MAGI3: variants seen among roughly 807,000 people sequenced by gnomAD.
The protein encoded by MAGI3 is membrane associated guanylate kinase, WW and PDZ domain containing 3.
Under a neutral mutation model 121.8 loss-of-function variants are expected in MAGI3, and 43 were observed. The ratio of observed to expected loss-of-function variants is 0.35; its 90% CI spans 0.28 to 0.46. The LOEUF (loss-of-function observed/expected upper bound fraction) is 0.46. Ranked by LOEUF, MAGI3 falls within the 20% of genes least tolerant of loss-of-function variation. The pLI, the probability that MAGI3 is intolerant of heterozygous loss-of-function variation, is 1.00. For missense variants in MAGI3, 1,547 were observed against 1,797.3 expected, an observed-to-expected ratio of 0.86 and a Z score of 2.52; for synonymous variants, 553 against 639.3, an observed-to-expected ratio of 0.86 and a Z score of 2.04.
intron 8 of MAGI3, 73 bp downstream of exon 8, chr1:113,619,903 T>C (rs113408933): frequency 9.9e-7 from 1 of 1,012,694 alleles, no homozygotes; most frequent in Non-Finnish European, 1.5e-6. Context: ...TAAAAGTGAG[T>C]TTGAACTTCT....
chr1:113,603,610 C>T (rs1003140161), intron 6 of MAGI3, among the ~76,000 whole-genome samples: 4 of 151,908 alleles, frequency 2.6e-5, no homozygotes, highest in African/African-American at 9.7e-5. Flanking sequence ...AAAGCAAATG[C>T]AACAAAAACA....
At chr1:113,513,756 A>G (rs1009413861) in intron 1 of MAGI3, among the ~76,000 whole-genome samples, 6 of 152,234 alleles carry the variant, frequency 3.9e-5, no homozygotes, top group African/African-American at 1.4e-4. Context: ...GCAATGAGCA[A>G]CAAAAGCCAA....
intron 1 of MAGI3, among the ~76,000 whole-genome samples, chr1:113,479,110 A>G (rs1655992017): frequency 6.6e-6 from 1 of 152,202 alleles, no homozygotes; most frequent in Non-Finnish European, 1.5e-5. Flanking sequence ...TGGGAAAAGC[A>G]CAGTATTTGG....
intron 1 of MAGI3, among the ~76,000 whole-genome samples, chr1:113,414,776 A>G (rs1557742839): frequency 6.6e-6 from 1 of 152,062 alleles, no homozygotes; most frequent in Non-Finnish European, 1.5e-5. Flanking sequence ...AAAATAAAAA[A>G]TAAAATAGTT....
rs539714186 is a variant in MAGI3, at chr1:113,494,330, G to A, written c.317-55185G>A. Among the ~76,000 whole-genome samples, 19 of 152,098 alleles carry A rather than the reference G, an allele frequency of 1.2e-4. No individual in the cohort carries two copies. In the South Asian group the frequency reaches 1.7e-3, roughly 13 times the overall value. ...AAATGATGAGAACACGTGGACACGG[G>A]AACAACACACGCTGGGGACTATCGG... On this transcript the variant is annotated intron_variant, in intron 1 of 20. Coordinates refer to ENST00000307546, the MANE Select transcript of MAGI3 (RefSeq NM_001142782.2).
rs201550078 is a variant in MAGI3, at chr1:113,590,159, TA to T, written c.764-324del. ...GTTAACATACAGAAAGCACTTAAAA[TA>T]GAGCCTGACACATAAAAGGACTACA... is the stretch of plus-strand genomic sequence containing the variant. On this transcript the variant is annotated intron_variant, in intron 4 of 20. Coordinates refer to ENST00000307546, the MANE Select transcript of MAGI3 (RefSeq NM_001142782.2). 7.3e-3 allele frequency among the ~76,000 whole-genome samples: 1,104 copies of T among 152,220 alleles called. 20 individuals carry two copies. The highest frequency in any genetic ancestry group is 0.041 in the Admixed American group (630 of 15,282).
At chr1:113,540,566 A>T (rs1570825930) in intron 1 of MAGI3, among the ~76,000 whole-genome samples, 1 of 152,220 alleles carries the variant, frequency 6.6e-6, no homozygotes, top group African/African-American at 2.4e-5. Flanking sequence ...GTTAGAGTAG[A>T]CACAAAACTG....
At chr1:113,510,943 C>G (rs947238868) in intron 1 of MAGI3, among the ~76,000 whole-genome samples, 1 of 152,200 alleles carries the variant, frequency 6.6e-6, no homozygotes, top group African/African-American at 2.4e-5. Context: ...GTGCCTAGAT[C>G]ACCATAACAT....
intron 2 of MAGI3, among the ~76,000 whole-genome samples, chr1:113,578,802 C>G (rs935215277): frequency 6.6e-6 from 1 of 151,704 alleles, no homozygotes; most frequent in Admixed American, 6.6e-5. Flanking sequence ...ATTTTATATC[C>G]TCTATGATGT....
At chr1:113,537,515 C>T (rs1250645857) in intron 1 of MAGI3, among the ~76,000 whole-genome samples, 2 of 152,182 alleles carry the variant, frequency 1.3e-5, no homozygotes, top group African/African-American at 4.8e-5. Flanking sequence ...GTGAGTTCCA[C>T]CTTCAGTCCT....
chr1:113,536,309 CTT>C (rs1163762539), intron 1 of MAGI3, among the ~76,000 whole-genome samples: 3 of 152,050 alleles, frequency 2.0e-5, no homozygotes, highest in Non-Finnish European at 4.4e-5. Context: ...TTTGTTGGTG[CTT>C]TTTCAACACT....
At chr1:113,471,873 A>T (rs1327454188) in intron 1 of MAGI3, among the ~76,000 whole-genome samples, 2 of 152,192 alleles carry the variant, frequency 1.3e-5, no homozygotes, top group African/African-American at 4.8e-5. Flanking sequence ...TATGCACTTC[A>T]TGACTATATT....
In MAGI3 at chr1:113,393,664, A is replaced by G. The variant is rs1340300124; in HGVS notation, c.316+2315A>G. ...AAGAATTTGAAGAGGTTATCTGTAG[A>G]ACTTTTGAGTTTGATTAAAAACAAA... On this transcript the variant is annotated intron_variant, in intron 1 of 20. Transcript: ENST00000307546. 2.0e-5 allele frequency among the ~76,000 whole-genome samples: 3 copies of G among 152,224 alleles called. No homozygotes were observed. In the East Asian group the frequency reaches 5.8e-4, roughly 29 times the overall value.
intron 1 of MAGI3, among the ~76,000 whole-genome samples, chr1:113,397,724 C>T (rs1015998309): frequency 2.0e-5 from 3 of 152,076 alleles, no homozygotes; most frequent in African/African-American, 7.2e-5. Context: ...TGTGTTATCT[C>T]CTCGAAATAA....
intron 1 of MAGI3, among the ~76,000 whole-genome samples, chr1:113,514,285 A>G (rs1445030365): frequency 6.6e-6 from 1 of 151,978 alleles, no homozygotes; most frequent in African/African-American, 2.4e-5. Flanking sequence ...GTATATACCC[A>G]AAGGACTATA....
chr1:113,457,710 A>G (rs1258143396), intron 1 of MAGI3, among the ~76,000 whole-genome samples: 1 of 152,164 alleles, frequency 6.6e-6, no homozygotes, highest in Non-Finnish European at 1.5e-5. Flanking sequence ...TATAAATAAG[A>G]TAAATTTAAT....
At chr1:113,628,361 CTCTTTA>C (rs2101798403) in intron 9 of MAGI3, among the ~76,000 whole-genome samples, 1 of 152,074 alleles carries the variant, frequency 6.6e-6, no homozygotes, top group South Asian at 2.1e-4. Context: ...TTTGTTATTT[CTCTTTA>C]TGTCTTATTG....
Position 113,594,485 on chromosome 1 carries a change from A to G in MAGI3, c.943A>G (p.Asn315Asp), listed in dbSNP as rs1648877013. ...ATTAAAATCTTTATTCTACAGCCAC[A>G]ATACCAAGACAACCACCTGGTTGGA... is the stretch of plus-strand genomic sequence containing the variant. ...DTGMIYFIDH[N>D]TKTTTWLDPR... is the part of the protein sequence containing the mutation. The change falls in exon 6 of 21, where the codon AAT (asparagine) becomes GAT (aspartate). Residue 315 changes from asparagine to aspartate, a missense_variant. Asn to Asp is a conservative substitution (Grantham distance 23). Transcript: ENST00000307546. 1.2e-6 allele frequency: 2 copies of G among 1,610,714 alleles called. No individual in the cohort carries two copies. Among genetic ancestry groups the G allele is most frequent in the Non-Finnish European group, 1.7e-6 (2 of 1,178,778 alleles).
chr1:113,463,135 G>GATA (rs1207397216), intron 1 of MAGI3, among the ~76,000 whole-genome samples: 1 of 152,068 alleles, frequency 6.6e-6, no homozygotes, highest in Non-Finnish European at 1.5e-5. Context: ...AGTGGTCCCA[G>GATA]ATAATACCAA....
Sources: allele counts gnomAD v4.1 joint callset (sites outside exome capture counted in the v4.1 genomes callset), GRCh38; gene constraint gnomAD v4.1.1; transcripts MANE v1.5; gene names NCBI Gene and HGNC (gene_info 2026-07-23, HGNC 2026-07-21).